TENM3: variants seen among roughly 807,000 people sequenced by gnomAD.
TENM3 encodes teneurin-3.
TENM3 carries 63 observed loss-of-function variants against 255.1 expected under a neutral mutation model. The observed-to-expected ratio is 0.25, with a 90% confidence interval of 0.20 to 0.30. The LOEUF is 0.30. Among genes scored for constraint, TENM3 ranks in the 10% least tolerant of loss-of-function variants. TENM3 has a pLI of 1.00. For synonymous variants in TENM3, 1,306 were observed against 1,322.3 expected (o/e 0.99, Z 0.27); for missense variants, 2,929 against 3,461.1 (o/e 0.85, Z 3.86).
chr4:181,859,874 A>T, the TENM3 span, among the ~76,000 whole-genome samples: 1 of 152,314 alleles, frequency 6.6e-6, no homozygotes, highest in African/African-American at 2.4e-5. Context: ...AGACACACAA[A>T]ACTTCCTTCA....
At chr4:181,808,922 T>G in the TENM3 span, among the ~76,000 whole-genome samples, 1 of 152,226 alleles carries the variant, frequency 6.6e-6, no homozygotes. Flanking sequence ...AGATGAGATG[T>G]GTTAACAATT....
chr4:182,204,773 T>C (rs1397409648), intron 1 of TENM3, among the ~76,000 whole-genome samples: 1 of 152,170 alleles, frequency 6.6e-6, no homozygotes, highest in Admixed American at 6.5e-5. Context: ...AACAATGAAA[T>C]GCAAATTTAA....
chr4:182,552,745 G>C (rs893950866), intron 3 of TENM3, among the ~76,000 whole-genome samples: 3 of 152,194 alleles, frequency 2.0e-5, no homozygotes, highest in Non-Finnish European at 4.4e-5. Context: ...TATAGAATGA[G>C]ATAGTAAGGT....
At chr4:182,200,948 C>T (rs927991705) in intron 1 of TENM3, among the ~76,000 whole-genome samples, 1 of 151,934 alleles carries the variant, frequency 6.6e-6, no homozygotes, top group Non-Finnish European at 1.5e-5. Flanking sequence ...TCTCAGCCTC[C>T]CGAATAGCTG....
chr4:181,569,879 A>C, the TENM3 span, among the ~76,000 whole-genome samples: 1 of 152,180 alleles, frequency 6.6e-6, no homozygotes, highest in Non-Finnish European at 1.5e-5. Flanking sequence ...TGTCAGCCAC[A>C]GTTTTAGACA....
chr4:182,529,173 T>C (rs907489279), intron 3 of TENM3, among the ~76,000 whole-genome samples: 1 of 152,180 alleles, frequency 6.6e-6, no homozygotes, highest in African/African-American at 2.4e-5. Flanking sequence ...GAAGAACGTC[T>C]TATATACTGG....
chr4:182,161,730 TATAC>T (rs1244078701), intron 1 of TENM3, among the ~76,000 whole-genome samples: 2 of 92,298 alleles, frequency 2.2e-5, no homozygotes, highest in African/African-American at 5.1e-5. Flanking sequence ...TGTATATATA[TATAC>T]ACAAATATAT....
At chr4:182,048,022 A>C in the TENM3 span, among the ~76,000 whole-genome samples, 1 of 152,168 alleles carries the variant, frequency 6.6e-6, no homozygotes, top group Non-Finnish European at 1.5e-5. Flanking sequence ...TGCAGATATT[A>C]CCTAAATAAA....
the TENM3 span, among the ~76,000 whole-genome samples, chr4:181,726,839 T>G: frequency 2.6e-4 from 40 of 152,342 alleles, no homozygotes; most frequent in African/African-American, 8.7e-4. Flanking sequence ...CTACCTGCAC[T>G]TCTGACCAAC....
intron 3 of TENM3, among the ~76,000 whole-genome samples, chr4:182,513,375 G>T (rs1193293003): frequency 6.6e-6 from 1 of 151,972 alleles, no homozygotes; most frequent in African/African-American, 2.4e-5. Flanking sequence ...CATAGAAAAT[G>T]GAAAACAGTT....
At chr4:181,768,378 G>T in the TENM3 span, among the ~76,000 whole-genome samples, 1 of 152,166 alleles carries the variant, frequency 6.6e-6, no homozygotes, top group African/African-American at 2.4e-5. Context: ...AACGTCAGTA[G>T]TGCCAAGGCT....
chr4:182,082,055 A>C, the TENM3 span, among the ~76,000 whole-genome samples: 1 of 152,250 alleles, frequency 6.6e-6, no homozygotes, highest in East Asian at 1.9e-4. Context: ...ATACAAAAGT[A>C]GAGGGAATAT....
chr4:181,978,364 G>C, the TENM3 span, among the ~76,000 whole-genome samples: 15 of 152,174 alleles, frequency 9.9e-5, no homozygotes, highest in African/African-American at 3.6e-4. Context: ...AAGAGCAAAA[G>C]GGGGCTGGGC....
At position 182,714,355 on chromosome 4, in the gene TENM3, T is replaced by A. The variant is rs922008961; in HGVS notation, c.2368+122T>A. The A allele has an allele frequency of 2.1e-5, 17 of 801,396 alleles. No homozygotes were observed. In the African/African-American group the frequency reaches 2.9e-4, roughly 13 times the overall value. 49.6% of individuals were successfully genotyped at this position (801,396 alleles called of 1,614,324 possible). A position where few individuals can be genotyped will look rare whatever the true frequency, so the allele number is the denominator to read the frequency against. ...AAAAAAAAAACCTGATCCCCATCGA[T>A]TAGATTGATTGAAAAATGTATGAGT... On this transcript the variant is annotated intron_variant, in intron 13 of 27. Coordinates refer to ENST00000511685, the MANE Select transcript of TENM3 (RefSeq NM_001080477.4).
chr4:181,855,786 AAG>A, the TENM3 span, among the ~76,000 whole-genome samples: 3 of 152,044 alleles, frequency 2.0e-5, no homozygotes, highest in Admixed American at 6.6e-5. Context: ...TGAAGAAAGA[AAG>A]AAAACAGAAA....
chr4:182,707,412 A>G (rs994605570), intron 12 of TENM3, among the ~76,000 whole-genome samples: 1 of 152,178 alleles, frequency 6.6e-6, no homozygotes, highest in African/African-American at 2.4e-5. Context: ...GAGACCTGAG[A>G]GTCCAGGTCC....
chr4:182,403,426 AACT>A (rs1421068317), intron 3 of TENM3, among the ~76,000 whole-genome samples: 1 of 152,234 alleles, frequency 6.6e-6, no homozygotes, highest in East Asian at 1.9e-4. Context: ...ACTATATCTT[AACT>A]CTAAGTACAA....
At chr4:181,545,305 G>A in the TENM3 span, among the ~76,000 whole-genome samples, 10 of 152,242 alleles carry the variant, frequency 6.6e-5, no homozygotes, top group Non-Finnish European at 1.2e-4. Context: ...CAGTGCCTCT[G>A]CCTAATGAAG....
the TENM3 span, among the ~76,000 whole-genome samples, chr4:182,070,918 A>G: frequency 1.3e-5 from 2 of 152,056 alleles, no homozygotes. Context: ...GCTTCTGTTG[A>G]CATTGCTCTC....
Sources: allele counts gnomAD v4.1 joint callset (sites outside exome capture counted in the v4.1 genomes callset), GRCh38; gene constraint gnomAD v4.1.1; transcripts MANE v1.5; gene names NCBI Gene and HGNC (gene_info 2026-07-23, HGNC 2026-07-21).